Variants in MTRR observed in about 807,000 individuals in gnomAD.
The protein encoded by MTRR is methionine synthase reductase.
Under a neutral mutation model 79.2 loss-of-function variants are expected in MTRR, and 63 were observed. The observed-to-expected ratio is 0.80, with a 90% CI of 0.65 to 0.98. The LOEUF is 0.98. Ranked by LOEUF, MTRR falls within the 50% of genes least tolerant of loss-of-function variation. The pLI is 0.00. For synonymous variants in MTRR, 355 were observed against 313.3 expected (o/e 1.13, Z -1.41); for missense variants, 895 against 839.6 (o/e 1.07, Z -0.82).
upstream of MTRR, chr5:7,851,113 G>C (rs956383127): frequency 8.2e-7 from 1 of 1,216,206 alleles, no homozygotes; most frequent in Non-Finnish European, 1.0e-6. Flanking sequence ...GTTGCTCAGC[G>C]CCAGCGTCTA....
At chr5:7,869,442 T>C in intron 1 of MTRR, 1 of 565,108 alleles carries the variant, frequency 1.8e-6, no homozygotes, top group Non-Finnish European at 3.1e-6. Context: ...CGTCGGCCTC[T>C]GCCGCGGGAG....
At chr5:7,888,065 C>G (rs766448507) in intron 8 of MTRR, among the ~76,000 whole-genome samples, 1 of 151,466 alleles carries the variant, frequency 6.6e-6, no homozygotes, top group Non-Finnish European at 1.5e-5. Context: ...ATGGATACAC[C>G]ATTATTTGTT....
At position 7,854,748 on chromosome 5, in the gene MTRR, C is replaced by A. The variant is rs147452848; in HGVS notation, n.391+3163C>A. 1.2e-4 allele frequency among the ~76,000 whole-genome samples: 18 copies of A among 152,266 alleles called. No homozygotes were observed. The East Asian group carries it at 3.5e-3, about 29-fold the overall frequency. ...TTTGGGTCGGGACGTAGAGCCAAAC[C>A]ATATCAGTCCTACAATCGGCCACCT... On this transcript the variant is annotated intron_variant and non_coding_transcript_variant, in intron 1 of 3. Transcript: ENST00000502509.
chr5:7,866,034 TGA>T, upstream of MTRR: 1 of 1,340,038 alleles, frequency 7.5e-7, no homozygotes, highest in South Asian at 1.2e-5. Context: ...GAGGTATGTA[TGA>T]GAGAACATCA....
At chr5:7,885,662 A>G in intron 6 of MTRR, 39 bp from the exon 7 acceptor site, 1 of 1,524,594 alleles carries the variant, frequency 6.6e-7, no homozygotes, top group Non-Finnish European at 8.9e-7. Context: ...TGTAACACGT[A>G]TAATGTATTT....
intron 12 of MTRR, 158 bp from the exon 13 acceptor site, chr5:7,896,706 C>G: frequency 1.5e-6 from 1 of 685,786 alleles, no homozygotes; most frequent in Non-Finnish European, 2.6e-6. Context: ...CCATGACAGC[C>G]TGTGGAGAGT....
In MTRR at chr5:7,873,460, G is replaced by A; in HGVS notation, c.217G>A (p.Val73Ile). The A allele has an allele frequency of 6.2e-7, 1 of 1,614,158 alleles. No homozygotes were observed. The highest frequency in any genetic ancestry group is 1.1e-5 in the South Asian group (1 of 91,068). Residue 73 changes from valine (V) to isoleucine (I), a missense_variant, in exon 3 of 15, where the codon GTT becomes ATT. Transcript: ENST00000440940. ...CCCACCCGACACAGCCCGCAAGTTT[G>A]TTAAGGAAATACAGAACCAAACACT... Reference protein sequence around the residue: ...GDPPDTARKFVKEIQNQTLPV... With the variant: ...GDPPDTARKFIKEIQNQTLPV...
At chr5:7,854,918 G>T (rs1370426055) in intron 1 of MTRR, among the ~76,000 whole-genome samples, 1 of 152,182 alleles carries the variant, frequency 6.6e-6, no homozygotes, top group Non-Finnish European at 1.5e-5. Flanking sequence ...TCTTCTGCCT[G>T]CTTTTATATT....
chr5:7,869,936 G>A, intron 1 of MTRR: 1 of 571,858 alleles, frequency 1.7e-6, no homozygotes, highest in Non-Finnish European at 2.2e-6. Flanking sequence ...CATGCCAGGT[G>A]CCGTTCTGGG....
rs764892747 is a variant in MTRR, at chr5:7,878,273, G to A, written c.731G>A (p.Gly244Asp). ...PLSQASLNIPGLPPEYLQVHL... is the reference protein window; with the variant it reads ...PLSQASLNIPDLPPEYLQVHL... ...TCACAAGCCTCTCTGAATATTCCTG[G>A]TTTACCCCCAGAATATTTACAGGTA... Residue 244 changes from glycine (G) to aspartate (D), a missense_variant, in exon 5 of 15, where the codon GGT (glycine) becomes GAT (aspartate). Transcript: ENST00000440940. 4.3e-6 allele frequency: 7 copies of A among 1,614,178 alleles called. No homozygotes were observed. The highest frequency in any genetic ancestry group is 1.1e-5 in the South Asian group (1 of 91,080).
In MTRR at chr5:7,889,130, CAG is replaced by C. The variant is rs1579758005; in HGVS notation, c.1183_1184del (p.Ser395CysfsTer2). On this transcript the variant is annotated frameshift_variant, in exon 9 of 15. Transcript: ENST00000440940. LOFTEE classifies it high-confidence loss of function. Reference protein sequence around the residue: ...LRALVDYTSDSAEKRRLQELC... With the variant: ...LRALVDYTSDXAEKRRLQELC... ...GAGCCCTTGTGGACTATACCAGTGA[CAG>C]TGCTGAAAAGCGCAGGCTACAGGAG... 28 of 1,614,126 alleles carry C rather than the reference CAG, an allele frequency of 1.7e-5. No individual in the cohort carries two copies. Among genetic ancestry groups the C allele is most frequent in the Non-Finnish European group, 2.4e-5 (28 of 1,179,984 alleles).
chr5:7,861,572 T>C (rs1161273901), intron 1 of MTRR: 2 of 1,557,460 alleles, frequency 1.3e-6, no homozygotes, highest in Admixed American at 3.7e-5. Flanking sequence ...AAACACAACA[T>C]TTTCCTGTAC....
intron 2 of MTRR, chr5:7,862,782 A>G: frequency 6.5e-7 from 1 of 1,533,052 alleles, no homozygotes; most frequent in Non-Finnish European, 8.9e-7. Flanking sequence ...ATCGAACAGG[A>G]TGCTTAGGTT....
At chr5:7,850,925 G>A (rs373784015), upstream of MTRR, 8 of 1,359,194 alleles carry the variant, frequency 5.9e-6, no homozygotes, top group Non-Finnish European at 7.6e-6. Flanking sequence ...AGGCGCCGCG[G>A]CGGGATGTAG....
At chr5:7,859,117 A>G in intron 1 of MTRR, 1 of 163,910 alleles carries the variant, frequency 6.1e-6, no homozygotes, top group Non-Finnish European at 1.3e-5. Flanking sequence ...AAAGGTCTCT[A>G]AAGAGCAAAA....
intron 8 of MTRR, among the ~76,000 whole-genome samples, chr5:7,887,850 T>C (rs1238818542): frequency 1.5e-4 from 19 of 125,822 alleles, no homozygotes; most frequent in African/African-American, 6.2e-4. Context: ...TCAAAAATAG[T>C]ATGCTCATTG....
upstream of MTRR, chr5:7,869,063 C>A (rs1443416939): frequency 1.3e-6 from 2 of 1,559,280 alleles, no homozygotes; most frequent in Non-Finnish European, 1.8e-6. Context: ...GGCGGGAGCA[C>A]GACTCAGGGC....
At chr5:7,884,172 TA>T (rs1299426295) in intron 6 of MTRR, among the ~76,000 whole-genome samples, 3 of 151,994 alleles carry the variant, frequency 2.0e-5, no homozygotes, top group Admixed American at 2.0e-4. Context: ...TCAATTTTTT[TA>T]AAAAAAGAAA....
chr5:7,861,925 A>G, intron 1 of MTRR: 1 of 346,492 alleles, frequency 2.9e-6, no homozygotes, highest in Middle Eastern at 5.4e-4. Flanking sequence ...AGAACCATGC[A>G]TGCTTTCTCT....
Sources: allele counts gnomAD v4.1 joint callset (sites outside exome capture counted in the v4.1 genomes callset), GRCh38; gene constraint gnomAD v4.1.1; transcripts MANE v1.5; gene names NCBI Gene and HGNC (gene_info 2026-07-23, HGNC 2026-07-21).